NCOR2: variants seen among roughly 807,000 people sequenced by gnomAD.
NCOR2 encodes the protein nuclear receptor corepressor 2.
In NCOR2, 81 loss-of-function variants were observed where a neutral mutation model predicts 262.9. That is an observed-to-expected ratio of 0.31 (90% CI 0.26 to 0.37). NCOR2 has a LOEUF of 0.37. Ranked by LOEUF, NCOR2 falls within the 10% of genes least tolerant of loss-of-function variation. The pLI, the probability that NCOR2 is intolerant of heterozygous loss-of-function variation, is 1.00. For synonymous variants in NCOR2, 1,659 were observed against 1,559.3 expected (o/e 1.06, Z -1.51); for missense variants, 3,385 against 3,621.4 (o/e 0.93, Z 1.68).
upstream of NCOR2, chr12:124,495,484 CTG>C: frequency 1.5e-6 from 1 of 666,260 alleles, no homozygotes; most frequent in Non-Finnish European, 2.4e-6. The surrounding 1 kb of genome is among the most constrained non-coding windows in gnomAD (Gnocchi z 4.4). Context: ...ACCCAGGGGC[CTG>C]CCTGGACCCT....
At chr12:124,361,627 G>A (rs898660089) in intron 22 of NCOR2, among the ~76,000 whole-genome samples, 15 of 152,244 alleles carry the variant, frequency 9.9e-5, no homozygotes, top group Non-Finnish European at 1.6e-4. Flanking sequence ...GATGCCAGCT[G>A]GGGAGGGCAG....
intron 7 of NCOR2, among the ~76,000 whole-genome samples, chr12:124,448,285 C>A (rs1399940271): frequency 6.6e-6 from 1 of 152,232 alleles, no homozygotes; most frequent in East Asian, 1.9e-4. Flanking sequence ...CTTCCCACCC[C>A]AGACAGGGGC....
chr12:124,552,031 A>G (rs1268754470), intron 1 of NCOR2, among the ~76,000 whole-genome samples: 1 of 152,130 alleles, frequency 6.6e-6, no homozygotes, highest in Non-Finnish European at 1.5e-5. Flanking sequence ...AAGAAAAAGT[A>G]AAAAGGGGCT....
rs141961803 is a variant in NCOR2 at position 124,438,744 on chromosome 12, C to CAGAG, written c.816-752_816-749dup. Among the ~76,000 whole-genome samples, 3 of 99,464 alleles carry CAGAG rather than the reference C, an allele frequency of 3.0e-5. No homozygotes were observed. The Admixed American group carries it at 3.1e-4, about 10-fold the overall frequency. 65.3% of individuals were successfully genotyped at this position (99,464 alleles called of 152,430 possible). A position where few individuals can be genotyped will look rare whatever the true frequency, so the allele number is the denominator to read the frequency against. Reference sequence around the variant, plus strand: ...CCAGAGAGACAGGGAAACAGAGAACCAGAGAGAGAGAGAGAGACAGAGACC... The same window carrying CAGAG: ...CCAGAGAGACAGGGAAACAGAGAACCAGAGAGAGAGAGAGAGAGAGACAGAGACC... On this transcript the variant is annotated intron_variant, in intron 7 of 46. Coordinates refer to ENST00000405201, the Ensembl canonical transcript of NCOR2.
At chr12:124,333,429 T>A in intron 41 of NCOR2, 150 bp from the exon 44 acceptor site, 1 of 611,186 alleles carries the variant, frequency 1.6e-6, no homozygotes. Context: ...AAGTAATCTC[T>A]GGCATGTATC....
intron 14 of NCOR2, among the ~76,000 whole-genome samples, chr12:124,401,948 G>C (rs2042007698): frequency 6.6e-6 from 1 of 152,168 alleles, no homozygotes; most frequent in African/African-American, 2.4e-5. Context: ...GCCTTGATCT[G>C]CAAGAACTCA....
chr12:124,396,791 CA>C, intron 16 of NCOR2, among the ~76,000 whole-genome samples: 1 of 152,276 alleles, frequency 6.6e-6, no homozygotes, highest in African/African-American at 2.4e-5. Context: ...GCACCCCCCA[CA>C]ACTACAGTGG....
chr12:124,354,564 T>G, exon 26 of NCOR2: 1 of 1,593,556 alleles, frequency 6.3e-7, no homozygotes, highest in South Asian at 1.1e-5. Flanking sequence ...CTGCTCCTGC[T>G]TCACTCCGCT....
In NCOR2 at chr12:124,387,196, TTTCATTCATTCA is replaced by T. The variant is rs373449303; in HGVS notation, c.1877-1321_1877-1310del. 4.0e-3 allele frequency among the ~76,000 whole-genome samples: 589 copies of T among 147,654 alleles called. 1 individual carries two copies. The highest frequency in any genetic ancestry group is 0.014 in the African/African-American group (543 of 39,212). ...GAGGGGCAGCCGTCTGTGTTGGTAT[TTTCATTCATTCA>T]TTCATTCATTCATTCATTCATTCAT... On this transcript the variant is annotated intron_variant, in intron 16 of 46. Coordinates refer to ENST00000405201, the Ensembl canonical transcript of NCOR2.
At chr12:124,387,557 G>A (rs984088499) in intron 16 of NCOR2, among the ~76,000 whole-genome samples, 4 of 152,210 alleles carry the variant, frequency 2.6e-5, no homozygotes, top group East Asian at 3.9e-4. Context: ...CCCCCGTGGC[G>A]TGGGGGTGGC....
chr12:124,327,745 GGAGGA>G (rs1246642314), intron 44 of NCOR2, 112 bp from the exon 47 acceptor site: 1 of 727,846 alleles, frequency 1.4e-6, no homozygotes, highest in African/African-American at 1.8e-5. Flanking sequence ...AGGAGGAGGA[GGAGGA>G]GAGAGAAATA....
At chr12:124,437,409 C>T (rs911609551) in intron 8 of NCOR2, among the ~76,000 whole-genome samples, 7 of 152,316 alleles carry the variant, frequency 4.6e-5, no homozygotes, top group African/African-American at 1.7e-4. Flanking sequence ...GAATCAGCAT[C>T]CTTTTCTGTT....
chr12:124,473,343 T>C (rs186199609), intron 3 of NCOR2, among the ~76,000 whole-genome samples: 1 of 152,314 alleles, frequency 6.6e-6, no homozygotes, highest in Admixed American at 6.5e-5. Context: ...GTAGGCACCA[T>C]CTAATCAGCT....
chr12:124,428,090 C>CGTGTGTGTGTGTGTGTGT lies in NCOR2; in HGVS notation c.1150-1291_1150-1290insACACACACACACACACAC, dbSNP rs1412280487. 3.6e-3 allele frequency among the ~76,000 whole-genome samples: 501 copies of CGTGTGTGTGTGTGTGTGT among 138,008 alleles called. 2 individuals are homozygous for CGTGTGTGTGTGTGTGTGT. Among genetic ancestry groups the CGTGTGTGTGTGTGTGTGT allele is most frequent in the African/African-American group, 0.01 (343 of 33,592 alleles). 90.5% of individuals were successfully genotyped at this position (138,008 alleles called of 152,430 possible). A position where few individuals can be genotyped will look rare whatever the true frequency, so the allele number is the denominator to read the frequency against. On this transcript the variant is annotated intron_variant, in intron 10 of 46. Transcript: ENST00000405201. ...GTGTGTGTGTGTGTGTGTGTGTGTA[C>CGTGTGTGTGTGTGTGTGT]ATGCAACAATCAGCCCAGGTGCCAC...
At chr12:124,342,732 A>C (rs2036560861) in intron 33 of NCOR2, among the ~76,000 whole-genome samples, 1 of 152,218 alleles carries the variant, frequency 6.6e-6, no homozygotes, top group South Asian at 2.1e-4. Context: ...TCCTCATTCT[A>C]TACCTTTGCA....
rs887814696 is a variant in NCOR2 at position 124,548,984 on chromosome 12, C to T, written c.-164-13373G>A. Among the ~76,000 whole-genome samples, 3 of 152,174 alleles carry T rather than the reference C, an allele frequency of 2.0e-5. No homozygotes were observed. Among genetic ancestry groups the T allele is most frequent in the African/African-American group, 7.2e-5 (3 of 41,442 alleles). ...GCTTCCCCTTACCCGACGGTTGGGG[C>T]ACCGCACAGATTTTTGCTGTTGTTG... is the stretch of plus-strand genomic sequence containing the variant. On this transcript the variant is annotated intron_variant, in intron 1 of 32. Coordinates refer to the NCOR2 transcript ENST00000458234. This position sits in a 1 kb window ranked among gnomAD's most constrained non-coding sequence, Gnocchi z 5.1.
At position 124,517,573 on chromosome 12, in the gene NCOR2, T is replaced by C. The variant is rs6488932; in HGVS notation, c.-118+17992A>G. ...TGCCTGCACCTGGCTCTCCCCTGCC[T>C]GAGCCCACCGCGGAGCCCCAGGGCA... is the stretch of plus-strand genomic sequence containing the variant. On this transcript the variant is annotated intron_variant, in intron 1 of 46. Coordinates refer to the NCOR2 transcript ENST00000404621. The surrounding 1 kb of genome is among the most constrained non-coding windows in gnomAD (Gnocchi z 7.6). 0.048 allele frequency among the ~76,000 whole-genome samples: 7,312 copies of C among 152,240 alleles called. 361 individuals carry two copies. The highest frequency in any genetic ancestry group is 0.13 in the African/African-American group (5,195 of 41,530).
chr12:124,442,415 C>A (rs1311426125), intron 7 of NCOR2, among the ~76,000 whole-genome samples: 1 of 152,250 alleles, frequency 6.6e-6, no homozygotes, highest in Non-Finnish European at 1.5e-5. Flanking sequence ...GCTGGGATGA[C>A]AGGCGTGGGC....
exon 33 of NCOR2, chr12:124,343,051 C>T (rs1566369403): frequency 3.1e-6 from 5 of 1,612,204 alleles, no homozygotes; most frequent in Non-Finnish European, 4.2e-6. Context: ...GGTCGAAGGC[C>T]AGGGGGATGT....
Sources: allele counts gnomAD v4.1 joint callset (sites outside exome capture counted in the v4.1 genomes callset), GRCh38; gene constraint gnomAD v4.1.1; non-coding constraint Gnocchi (gnomAD v3.1); transcripts MANE v1.5; gene names NCBI Gene and HGNC (gene_info 2026-07-23, HGNC 2026-07-21).